The following ARID1B variants were observed in gnomAD, a reference collection of about 807,000 sequenced individuals.
ARID1B encodes AT-rich interactive domain-containing protein 1B.
ARID1B carries 30 observed loss-of-function variants against 212.3 expected under a neutral mutation model. The observed-to-expected ratio is 0.14, with a 90% CI of 0.11 to 0.19. The LOEUF (loss-of-function observed/expected upper bound fraction) is 0.19. Among genes scored for constraint, ARID1B ranks in the 10% least tolerant of loss-of-function variants. The pLI is 1.00. For synonymous variants in ARID1B, 1,402 were observed against 1,301.7 expected, an observed-to-expected ratio of 1.08 and a Z score of -1.66; for missense variants, 2,891 against 3,204.0, an observed-to-expected ratio of 0.90 and a Z score of 2.36.
chr6:157,169,756 T>C (rs1791585859), intron 9 of ARID1B: 1 of 152,236 alleles, frequency 6.6e-6, no homozygotes, highest in Admixed American at 6.5e-5. Context: ...ATCTCCCATC[T>C]GTGGTTCTAA....
chr6:156,792,782 A>G (rs1369103757), intron 1 of ARID1B, among the ~76,000 whole-genome samples: 1 of 152,162 alleles, frequency 6.6e-6, no homozygotes, highest in African/African-American at 2.4e-5. Flanking sequence ...GGGTCAGAGC[A>G]TCCGTTACAG....
intron 4 of ARID1B, among the ~76,000 whole-genome samples, chr6:156,956,307 C>G (rs556089913): frequency 6.6e-6 from 1 of 152,274 alleles, no homozygotes; most frequent in South Asian, 2.1e-4. Context: ...CTTACCCCCA[C>G]CCTTCTCTCA....
intron 4 of ARID1B, among the ~76,000 whole-genome samples, chr6:156,983,123 CCT>C (rs1413373157): frequency 2.6e-5 from 4 of 151,552 alleles, no homozygotes; most frequent in Admixed American, 2.0e-4. Flanking sequence ...AAAAGAAAGG[CCT>C]GGCACAGTGG....
chr6:157,146,855 G>A (rs990393662), intron 7 of ARID1B, among the ~76,000 whole-genome samples: 3 of 152,222 alleles, frequency 2.0e-5, no homozygotes, highest in East Asian at 1.9e-4. Flanking sequence ...CTTGTCTTTC[G>A]CATTTATGTA....
rs1047765889 is a variant in ARID1B at position 157,210,008 on chromosome 6, C to T, written c.*2117C>T. ...CCCTCGCATACATTGTGTCGGTTCACATTACTCACAGTAATATATGGAAGA... is the reference window on the plus strand; with the variant it reads ...CCCTCGCATACATTGTGTCGGTTCATATTACTCACAGTAATATATGGAAGA... On this transcript the variant is annotated 3_prime_UTR_variant, in exon 20 of 20. Coordinates refer to ENST00000636930, the MANE Select transcript of ARID1B (RefSeq NM_001374828.1). 4.3e-6 allele frequency: 1 copy of T among 233,046 alleles called. No homozygotes were observed. Among genetic ancestry groups the T allele is most frequent in the Non-Finnish European group, 8.5e-6 (1 of 118,008 alleles). The allele number at this position is 233,046 out of a possible 1,614,324, so 14.4% of individuals were successfully genotyped here.
At chr6:157,111,074 T>C (rs1786875179) in intron 6 of ARID1B, 1 of 156,308 alleles carries the variant, frequency 6.4e-6, no homozygotes, top group Non-Finnish European at 1.4e-5. Flanking sequence ...CTAAAGCAAC[T>C]GGGGAGTGTA....
intron 6 of ARID1B, among the ~76,000 whole-genome samples, chr6:157,126,341 C>T (rs1400305153): frequency 1.3e-5 from 2 of 152,124 alleles, no homozygotes; most frequent in African/African-American, 4.8e-5. Flanking sequence ...GAGACGCAGC[C>T]TCTAAACAGA....
chr6:157,178,499 G>A (rs1035466315), intron 11 of ARID1B, among the ~76,000 whole-genome samples: 9 of 152,216 alleles, frequency 5.9e-5, no homozygotes, highest in Non-Finnish European at 1.0e-4. Context: ...CCCTGGTTCA[G>A]CTAAGTGAGC....
At chr6:156,984,855 C>G (rs1377535643) in intron 4 of ARID1B, 1 of 152,016 alleles carries the variant, frequency 6.6e-6, no homozygotes, top group African/African-American at 2.4e-5. Context: ...CCACATCTGG[C>G]TAATTGTTTT....
chr6:156,857,676 T>A (rs929711554), intron 2 of ARID1B, among the ~76,000 whole-genome samples: 2 of 152,246 alleles, frequency 1.3e-5, no homozygotes, highest in Non-Finnish European at 2.9e-5. Flanking sequence ...CTAACTGGTA[T>A]AGTAGTCAGT....
At position 156,987,468 on chromosome 6, in the gene ARID1B, C is replaced by A. The variant is rs530619457; in HGVS notation, c.2247+51892C>A. 4.6e-5 allele frequency among the ~76,000 whole-genome samples: 7 copies of A among 152,154 alleles called. No homozygotes were observed. The South Asian group carries it at 1.5e-3, about 32-fold the overall frequency. On this transcript the variant is annotated intron_variant, in intron 4 of 19. Transcript: ENST00000636930. ...GGCTCAGCCTCCCAAGTAGCTGAGA[C>A]TACAGGCGCCCGCTACTGCACCCGG... is the stretch of plus-strand genomic sequence containing the variant.
intron 4 of ARID1B, among the ~76,000 whole-genome samples, chr6:157,030,020 CAGTT>C (rs1472063416): frequency 2.6e-5 from 4 of 152,168 alleles, no homozygotes; most frequent in Non-Finnish European, 5.9e-5. Flanking sequence ...TACAGTGCAT[CAGTT>C]AGTTTTTGCA....
intron 2 of ARID1B, among the ~76,000 whole-genome samples, chr6:156,865,139 T>C (rs1189602851): frequency 3.9e-5 from 6 of 152,200 alleles, no homozygotes; most frequent in Non-Finnish European, 4.4e-5. Context: ...ACTATTACCC[T>C]GGGATTTTCC....
rs1353130247 is a variant in ARID1B, at chr6:157,012,562, C to G, written c.2248-72100C>G. 2.0e-5 allele frequency among the ~76,000 whole-genome samples: 3 copies of G among 152,154 alleles called. No homozygotes were observed. The East Asian group carries it at 5.8e-4, about 29-fold the overall frequency. ...CTTGGTTGTCAGTAGTTGACTCTAG[C>G]CAACTGTAAATAGAAGACATTATTG... On this transcript the variant is annotated intron_variant, in intron 4 of 19. Transcript: ENST00000636930.
intron 3 of ARID1B, among the ~76,000 whole-genome samples, chr6:156,919,820 G>T (rs1790639635): frequency 6.6e-6 from 1 of 152,186 alleles, no homozygotes; most frequent in African/African-American, 2.4e-5. Context: ...CACAGAGTGA[G>T]ACCTTGGCTC....
chr6:156,807,046 A>G (rs1273575392), intron 1 of ARID1B, among the ~76,000 whole-genome samples: 1 of 152,230 alleles, frequency 6.6e-6, no homozygotes, highest in African/African-American at 2.4e-5. Flanking sequence ...ACAAAAACCA[A>G]GCGGTGGACC....
chr6:157,044,574 T>G (rs184908783), intron 4 of ARID1B, among the ~76,000 whole-genome samples: 166 of 152,350 alleles, frequency 1.1e-3, no homozygotes, highest in African/African-American at 3.9e-3. Context: ...AGCTTCCTTT[T>G]CTGATCCATC....
At chr6:156,866,472 GT>G (rs1271900407) in intron 2 of ARID1B, among the ~76,000 whole-genome samples, 1 of 152,148 alleles carries the variant, frequency 6.6e-6, no homozygotes, top group African/African-American at 2.4e-5. Context: ...TTGTCCATCT[GT>G]TTCTAGCTTC....
At chr6:157,054,935 A>G (rs1474650393) in intron 4 of ARID1B, among the ~76,000 whole-genome samples, 1 of 152,226 alleles carries the variant, frequency 6.6e-6, no homozygotes, top group Non-Finnish European at 1.5e-5. Flanking sequence ...GTCTCTTTTC[A>G]CATGGATACA....
Sources: gnomAD v4.1 joint callset for allele counts (sites outside exome capture counted in the v4.1 genomes callset) on GRCh38, gnomAD v4.1.1 for gene constraint, MANE v1.5 for transcripts, NCBI Gene and HGNC (gene_info 2026-07-23, HGNC 2026-07-21) for gene names.